ZDHHC23: variants seen among roughly 807,000 people sequenced by gnomAD.
ZDHHC23 encodes the protein zDHHC palmitoyltransferase 23, also known as palmitoyltransferase ZDHHC23.
Under a neutral mutation model 40.2 loss-of-function variants are expected in ZDHHC23, and 41 were observed. The ratio of observed to expected loss-of-function variants is 1.02; its 90% CI spans 0.79 to 1.32. The LOEUF is 1.32. ZDHHC23 is among the 40% of genes most tolerant of loss of function. The pLI is 0.00. For missense variants in ZDHHC23, 471 were observed against 541.5 expected (o/e 0.87, Z 1.29); for synonymous variants, 204 against 210.2 (o/e 0.97, Z 0.26).
rs1938259578 is a variant in ZDHHC23 at position 113,948,126 on chromosome 3, C to G, written c.-182C>G. On this transcript the variant is annotated 5_prime_UTR_variant, in exon 1 of 5. Coordinates refer to ENST00000638807, the MANE Select transcript of ZDHHC23 (RefSeq NM_001320466.2). Reference sequence around the variant, plus strand: ...AGATCGGGAGACGCGTCTGTGCCTCCGGGGAAGCCGACCCATCTCCCCTCC... The same window carrying G: ...AGATCGGGAGACGCGTCTGTGCCTCGGGGGAAGCCGACCCATCTCCCCTCC... 6.6e-6 allele frequency: 1 copy of G among 152,180 alleles called. No homozygotes were observed. The allele number at this position is 152,180 out of a possible 1,614,324, so 9.4% of individuals were successfully genotyped here.
rs568930240 is a variant in ZDHHC23, at chr3:113,960,898, C to G, written c.*2268C>G. On this transcript the variant is annotated 3_prime_UTR_variant, in exon 5 of 5. Coordinates refer to ENST00000638807, the MANE Select transcript of ZDHHC23 (RefSeq NM_001320466.2). Reference sequence around the variant, plus strand: ...GTGATCTTGTGTGGGAAAAGCCTTCCCAGGCGTCTGTACCGAAAGGAGCAG... The same window carrying G: ...GTGATCTTGTGTGGGAAAAGCCTTCGCAGGCGTCTGTACCGAAAGGAGCAG... 1.8e-5 allele frequency: 20 copies of G among 1,111,542 alleles called. No individual in the cohort carries two copies. In the African/African-American group the frequency reaches 3.0e-4, roughly 17 times the overall value. The allele number at this position is 1,111,542 out of a possible 1,614,324, so 68.9% of individuals were successfully genotyped here. A position where few individuals can be genotyped will look rare whatever the true frequency, so the allele number is the denominator to read the frequency against.
In ZDHHC23 at chr3:113,960,203, A is replaced by G. The variant is rs9848479; in HGVS notation, c.*1573A>G. ...TCCTGCACTTCCACCCTCTGCAGCC[A>G]GCACCGTCCCTACTGTTGCCATTAA... On this transcript the variant is annotated 3_prime_UTR_variant, in exon 5 of 5. Coordinates refer to ENST00000638807, the MANE Select transcript of ZDHHC23 (RefSeq NM_001320466.2). 0.56 allele frequency: 552,057 copies of G among 990,834 alleles called. 154,248 individuals carry two copies. Among genetic ancestry groups the G allele is most frequent in the East Asian group, 0.65 (5,794 of 8,862 alleles). 61.4% of individuals were successfully genotyped at this position (990,834 alleles called of 1,614,324 possible).
chr3:113,958,444 C>A lies in ZDHHC23; in HGVS notation c.1122C>A (p.Ile374=), dbSNP rs1012677593. ...GMAYIFLIQL[I]NISYNVTERE... ...CCTACATCTTCCTGATCCAGCTGAT[C>A]AACATCAGCTACAATGTGACTGAGC... The change falls in exon 5 of 5, where the codon ATC becomes ATA. Residue 374 remains isoleucine, a synonymous_variant. Coordinates refer to ENST00000638807, the MANE Select transcript of ZDHHC23 (RefSeq NM_001320466.2). 3.7e-6 allele frequency: 6 copies of A among 1,614,134 alleles called. No homozygotes were observed. In the South Asian group the frequency reaches 6.6e-5, roughly 18 times the overall value.
chr3:113,966,973 C>T (rs1940241802), downstream of ZDHHC23, among the ~76,000 whole-genome samples: 1 of 152,002 alleles, frequency 6.6e-6, no homozygotes, highest in Non-Finnish European at 1.5e-5. Flanking sequence ...GTGGCAGGCA[C>T]CTGTAATCCC....
In ZDHHC23 at chr3:113,952,719, C is replaced by T. The variant is rs1005624145; in HGVS notation, c.162-981C>T. ...CAACAGATATTTATTGCTCACAGTTCTGGAGGCTGTGAAGTCCAAGATCAA... is the reference window on the plus strand; with the variant it reads ...CAACAGATATTTATTGCTCACAGTTTTGGAGGCTGTGAAGTCCAAGATCAA... On this transcript the variant is annotated intron_variant, in intron 2 of 4. Coordinates refer to ENST00000638807, the MANE Select transcript of ZDHHC23 (RefSeq NM_001320466.2). Among the ~76,000 whole-genome samples, 4 of 152,240 alleles carry T rather than the reference C, an allele frequency of 2.6e-5. No individual in the cohort carries two copies. In the East Asian group the frequency reaches 7.7e-4, roughly 29 times the overall value.
downstream of ZDHHC23, among the ~76,000 whole-genome samples, chr3:113,967,189 G>A (rs1051257383): frequency 6.6e-6 from 1 of 152,168 alleles, no homozygotes; most frequent in African/African-American, 2.4e-5. Flanking sequence ...ACCATTTACA[G>A]CTTCCTGTGC....
chr3:113,960,755 T>C lies in ZDHHC23; in HGVS notation c.*2125T>C, dbSNP rs202235136. The C allele has an allele frequency of 6.4e-7, 1 of 1,561,432 alleles. No homozygotes were observed. Among genetic ancestry groups the C allele is most frequent in the Non-Finnish European group, 8.6e-7 (1 of 1,160,968 alleles). On this transcript the variant is annotated 3_prime_UTR_variant, in exon 5 of 5. Transcript: ENST00000638807. ...ATGAGCCAACTCCGCTTCCTTCCCATGGATAGGAAGGGACTCTGTGTATTA... is the reference window on the plus strand; with the variant it reads ...ATGAGCCAACTCCGCTTCCTTCCCACGGATAGGAAGGGACTCTGTGTATTA...
At chr3:113,974,646 T>C in the ZDHHC23 span, among the ~76,000 whole-genome samples, 1 of 152,208 alleles carries the variant, frequency 6.6e-6, no homozygotes. Context: ...TGTGGATATA[T>C]GTCTATGCCT....
Position 113,962,466 on chromosome 3 carries a change from A to G in ZDHHC23, c.*3836A>G, listed in dbSNP as rs896221775. ...CTAGCCTTCTTGATGGCACCTTGAAAGTGAACTTCTAGAAATCTACATTTA... is the reference window on the plus strand; with the variant it reads ...CTAGCCTTCTTGATGGCACCTTGAAGGTGAACTTCTAGAAATCTACATTTA... On this transcript the variant is annotated 3_prime_UTR_variant, in exon 5 of 5. Transcript: ENST00000638807. 4.6e-5 allele frequency: 7 copies of G among 152,242 alleles called. No homozygotes were observed. The highest frequency in any genetic ancestry group is 1.7e-4 in the African/African-American group (7 of 41,464). The allele number at this position is 152,242 out of a possible 1,614,324, so 9.4% of individuals were successfully genotyped here.
intron 2 of ZDHHC23, among the ~76,000 whole-genome samples, chr3:113,949,499 C>T (rs1399566792): frequency 6.6e-6 from 1 of 152,156 alleles, no homozygotes; most frequent in African/African-American, 2.4e-5. Context: ...TTCAGTGCGA[C>T]CAGCAACACT....
the ZDHHC23 span, among the ~76,000 whole-genome samples, chr3:113,970,986 G>A: frequency 2.0e-5 from 3 of 152,146 alleles, no homozygotes; most frequent in Non-Finnish European, 4.4e-5. Context: ...ATTTGGGTTG[G>A]TTCCAAGTCT....
At chr3:113,964,507 G>A (rs1007459139), downstream of ZDHHC23, 1 of 152,202 alleles carries the variant, frequency 6.6e-6, no homozygotes. Context: ...TTAATGAATT[G>A]CTGGACTGTC....
rs1939601858 is a variant in ZDHHC23 at position 113,960,420 on chromosome 3, CA to C, written c.*1793del. 11 of 1,278,488 alleles carry C rather than the reference CA, an allele frequency of 8.6e-6. No homozygotes were observed. The South Asian group carries it at 1.9e-4, about 22-fold the overall frequency. The allele number at this position is 1,278,488 out of a possible 1,614,324, so 79.2% of individuals were successfully genotyped here. A position where few individuals can be genotyped will look rare whatever the true frequency, so the allele number is the denominator to read the frequency against. On this transcript the variant is annotated 3_prime_UTR_variant, in exon 5 of 5. Coordinates refer to ENST00000638807, the MANE Select transcript of ZDHHC23 (RefSeq NM_001320466.2). ...AGAATTAAAGTTGGATTTGATATAACAAATTTCTTTCTATACAGGTTTTACA... is the reference window on the plus strand; with the variant it reads ...AGAATTAAAGTTGGATTTGATATAACAATTTCTTTCTATACAGGTTTTACA...
At chr3:113,955,389 T>TGCGTGC (rs199620524) in intron 3 of ZDHHC23, among the ~76,000 whole-genome samples, 7 of 140,150 alleles carry the variant, frequency 5.0e-5, no homozygotes, top group African/African-American at 1.9e-4. Context: ...TGTGTGTGTG[T>TGCGTGC]GTGCGTGTGT....
chr3:113,957,879 G>A (rs200209124), intron 4 of ZDHHC23: 19 of 507,198 alleles, frequency 3.7e-5, no homozygotes, highest in Non-Finnish European at 7.0e-5. Flanking sequence ...GGGGTTGGGA[G>A]TCGTCCATCG....
At chr3:113,957,734 C>T in intron 4 of ZDHHC23, 1 of 518,590 alleles carries the variant, frequency 1.9e-6, no homozygotes, top group South Asian at 1.4e-5. Flanking sequence ...CATCAAATGG[C>T]AGAGGCTAAC....
At chr3:113,965,691 A>AT (rs1940067716), downstream of ZDHHC23, among the ~76,000 whole-genome samples, 1 of 151,956 alleles carries the variant, frequency 6.6e-6, no homozygotes. Context: ...CTGGGTTCAA[A>AT]TGATTCTTGT....
At chr3:113,967,918 T>C (rs1940381400), downstream of ZDHHC23, among the ~76,000 whole-genome samples, 1 of 152,228 alleles carries the variant, frequency 6.6e-6, no homozygotes, top group African/African-American at 2.4e-5. Context: ...CTTATTTCAC[T>C]TAACACAGTG....
chr3:113,954,181 A>C lies in ZDHHC23; in HGVS notation c.643A>C (p.Arg215=), dbSNP rs775880504. The stretch of plus-strand genomic sequence containing the variant: ...CAGCAGCCAGCTGGAGTGCCTGAGC[A>C]GAAAAGGGCAGGAGAAGACCAAAGG... ...LSSSQLECLS[R]KGQEKTKGFP... Residue 215 remains arginine, a synonymous_variant, in exon 3 of 5, where the codon AGA becomes CGA. Coordinates refer to ENST00000638807, the MANE Select transcript of ZDHHC23 (RefSeq NM_001320466.2). The C allele has an allele frequency of 3.7e-6, 6 of 1,614,126 alleles. No homozygotes were observed. The East Asian group carries it at 1.1e-4, about 30-fold the overall frequency.
Sources: gnomAD v4.1 joint callset for allele counts (sites outside exome capture counted in the v4.1 genomes callset) on GRCh38, gnomAD v4.1.1 for gene constraint, MANE v1.5 for transcripts, NCBI Gene and HGNC (gene_info 2026-07-23, HGNC 2026-07-21) for gene names.